The following DST variants were observed in gnomAD, a reference collection of about 807,000 sequenced individuals.
The protein encoded by DST is dystonin.
Under a neutral mutation model 875.2 loss-of-function variants are expected in DST, and 253 were observed. The observed-to-expected ratio is 0.29, with a 90% CI of 0.26 to 0.32. The LOEUF (loss-of-function observed/expected upper bound fraction) is 0.32, where lower values mean the gene tolerates loss of function less well. Among genes scored for constraint, DST ranks in the 10% least tolerant of loss-of-function variants. DST has a pLI of 1.00. For missense variants in DST, 8,287 were observed against 9,111.6 expected, an observed-to-expected ratio of 0.91 and a Z score of 3.68; for synonymous variants, 3,124 against 3,197.1, an observed-to-expected ratio of 0.98 and a Z score of 0.77.
At chr6:56,525,668 G>A (rs1232457432) in intron 69 of DST, among the ~76,000 whole-genome samples, 1 of 152,146 alleles carries the variant, frequency 6.6e-6, no homozygotes, top group African/African-American at 2.4e-5. Flanking sequence ...TAGTAACTGT[G>A]ATGACTTAAT....
At chr6:56,665,998 T>C (rs2099070346) in intron 10 of DST, among the ~76,000 whole-genome samples, 1 of 152,250 alleles carries the variant, frequency 6.6e-6, no homozygotes, top group Non-Finnish European at 1.5e-5. Flanking sequence ...TGTTACTTAC[T>C]TTTTAACTTC....
chr6:56,479,613 C>A (rs1374132202), intron 90 of DST, among the ~76,000 whole-genome samples: 18 of 152,094 alleles, frequency 1.2e-4, no homozygotes, highest in Admixed American at 1.1e-3. Flanking sequence ...AGAATGAAAT[C>A]ATGTACTTTG....
chr6:56,897,300 T>C (rs995641410), intron 3 of DST, among the ~76,000 whole-genome samples: 7 of 133,472 alleles, frequency 5.2e-5, no homozygotes, highest in Non-Finnish European at 9.8e-5. Flanking sequence ...TAAGTGGTTT[T>C]TTTTTGGGGG....
intron 9 of DST, 46 bp from the exon 10 acceptor site, chr6:56,670,853 A>G: frequency 7.4e-7 from 1 of 1,350,870 alleles, no homozygotes; most frequent in East Asian, 2.5e-5. Context: ...GAAGGAAGCT[A>G]ACTCAGATTA....
At chr6:56,629,671 T>G (rs917870314) in intron 31 of DST, among the ~76,000 whole-genome samples, 5 of 152,166 alleles carry the variant, frequency 3.3e-5, no homozygotes, top group Admixed American at 3.3e-4. Flanking sequence ...CCTAATAAAA[T>G]TTGCATATCA....
Position 56,900,604 on chromosome 6 carries a change from A to C in DST, c.234T>G (p.Pro78=), listed in dbSNP as rs1207788204. The change falls in exon 3 of 104, where the codon CCT becomes CCG. Residue 78 remains proline, a synonymous_variant. Coordinates refer to ENST00000680361, the MANE Select transcript of DST (RefSeq NM_001374736.1). ...HFRSEGFRAS[P]RHLRRRVAAA... The stretch of plus-strand genomic sequence containing the variant: ...CTGCAACTCGTCTTCTAAGATGCCG[A>C]GGGCTTGCTCTGAATCCCTGTGGCA... The C allele has an allele frequency of 1.5e-6, 2 of 1,367,524 alleles. No individual in the cohort carries two copies. Among genetic ancestry groups the C allele is most frequent in the Admixed American group, 1.9e-5 (1 of 52,566 alleles). The allele number at this position is 1,367,524 out of a possible 1,614,324, so 84.7% of individuals were successfully genotyped here.
chr6:56,812,967 A>G (rs938189488), intron 4 of DST, among the ~76,000 whole-genome samples: 12 of 151,918 alleles, frequency 7.9e-5, no homozygotes, highest in African/African-American at 2.9e-4. Context: ...CACAATAGCA[A>G]AGACTTGGAA....
chr6:56,626,406 A>G (rs970729032), intron 34 of DST, among the ~76,000 whole-genome samples: 2 of 152,188 alleles, frequency 1.3e-5, no homozygotes, highest in African/African-American at 4.8e-5. Context: ...TAGATACACA[A>G]ATAGATACCA....
chr6:56,787,836 C>A (rs2099708140), intron 4 of DST, among the ~76,000 whole-genome samples: 1 of 152,024 alleles, frequency 6.6e-6, no homozygotes, highest in Non-Finnish European at 1.5e-5. Context: ...AGCATATATT[C>A]TCTTCAAAAT....
chr6:56,614,397 C>A lies in DST; in HGVS notation c.5017G>T (p.Asp1673Tyr). The change falls in exon 37 of 104, where the codon GAT (aspartate) becomes TAT (tyrosine). Residue 1673 changes from aspartate (D) to tyrosine (Y), a missense_variant. Asp to Tyr is a radical substitution (Grantham distance 160). Coordinates refer to ENST00000680361, the MANE Select transcript of DST (RefSeq NM_001374736.1). ...GGAGGTTTTCCAGCCTTCTCTGCATCTTTCAATGTCTTGCTGATATTTGAT... is the reference window on the plus strand; with the variant it reads ...GGAGGTTTTCCAGCCTTCTCTGCATATTTCAATGTCTTGCTGATATTTGAT... ...WVSNISKTLK[D>Y]AEKAGKPPFS... The A allele has an allele frequency of 6.2e-7, 1 of 1,609,928 alleles. No individual in the cohort carries two copies. The highest frequency in any genetic ancestry group is 1.1e-5 in the South Asian group (1 of 90,170).
intron 4 of DST, among the ~76,000 whole-genome samples, chr6:56,743,599 C>T (rs1045130932): frequency 6.6e-6 from 1 of 152,116 alleles, no homozygotes; most frequent in African/African-American, 2.4e-5. Context: ...TTAGAGAGCA[C>T]TTATTATTTG....
rs368674616 is a variant in DST, at chr6:56,620,443, G to A, written c.4929+4087C>T. ...CTCTCACAATGGTTTCAAGTTCCCTGCGGTACTGCTTGGCTTCACTTTCAG... is the reference window on the plus strand; with the variant it reads ...CTCTCACAATGGTTTCAAGTTCCCTACGGTACTGCTTGGCTTCACTTTCAG... On this transcript the variant is annotated intron_variant, in intron 36 of 103. Coordinates refer to ENST00000680361, the MANE Select transcript of DST (RefSeq NM_001374736.1). The A allele has an allele frequency of 6.8e-5, 110 of 1,614,030 alleles. No homozygotes were observed. The highest frequency in any genetic ancestry group is 4.9e-4 in the Middle Eastern group (3 of 6,084).
rs779757514 is a variant in DST, at chr6:56,606,160, T to C, written c.8468A>G (p.Asn2823Ser). ...DEEGGGIRDE[N>S]GKPRCQNVAE... ...CACATTTTGGCACCTGGGCTTTCCA[T>C]TCTCATCTCTTATACCTCCTCCTTC... The change falls in exon 40 of 104, where the codon AAT becomes AGT. Residue 2823 changes from asparagine to serine, a missense_variant. Transcript: ENST00000680361. 1 of 1,604,622 alleles carries C rather than the reference T, an allele frequency of 6.2e-7. No individual in the cohort carries two copies. Among genetic ancestry groups the C allele is most frequent in the South Asian group, 1.1e-5 (1 of 90,322 alleles).
chr6:56,620,143 G>A, intron 36 of DST: 1 of 1,613,344 alleles, frequency 6.2e-7, no homozygotes, highest in South Asian at 1.1e-5. Flanking sequence ...GAAATGCAAG[G>A]TCTTTTTCCA....
intron 4 of DST, among the ~76,000 whole-genome samples, chr6:56,772,435 G>A (rs928118515): frequency 1.3e-5 from 2 of 152,148 alleles, no homozygotes; most frequent in Admixed American, 1.3e-4. Context: ...GGCACATACT[G>A]CAAGCTAACT....
intron 4 of DST, among the ~76,000 whole-genome samples, chr6:56,777,613 C>G (rs2099681656): frequency 6.6e-6 from 1 of 152,034 alleles, no homozygotes; most frequent in Non-Finnish European, 1.5e-5. Context: ...CAGTCACTTC[C>G]AAAAGGCACA....
rs1221618907 is a variant in DST at position 56,851,452 on chromosome 6, C to T, written c.570G>A (p.Lys190=). 6.2e-7 allele frequency: 1 copy of T among 1,614,010 alleles called. No homozygotes were observed. Among genetic ancestry groups the T allele is most frequent in the African/African-American group, 1.3e-5 (1 of 75,058 alleles). The change falls in exon 4 of 104, where the codon AAG becomes AAA. Residue 190 remains lysine, a synonymous_variant. Transcript: ENST00000680361. ...NLPKHERSKR[K]IQGGSVLDPA... is the part of the protein sequence containing the mutation. ...GGTCCAGCACTGAGCCCCCTTGAAT[C>T]TTTCTTTTCGATCTCTCATGTTTAG...
intron 2 of DST, among the ~76,000 whole-genome samples, chr6:56,914,127 T>C (rs1275296686): frequency 2.0e-5 from 3 of 152,178 alleles, no homozygotes; most frequent in Non-Finnish European, 4.4e-5. Context: ...TCATGTTTTG[T>C]ACCAAAATGA....
chr6:56,552,176 T>C lies in DST; in HGVS notation c.16608+8A>G, dbSNP rs2097337105. ...AAAAACACTGGGTAAAAATGAAGAG[T>C]TCCCTACCTTGAACATGTTAAGCTG... On this transcript the variant is annotated splice_region_variant and intron_variant, in intron 61 of 103. Transcript: ENST00000680361. The C allele has an allele frequency of 6.3e-7, 1 of 1,583,738 alleles. No homozygotes were observed. The highest frequency in any genetic ancestry group is 1.4e-5 in the African/African-American group (1 of 73,460).
Sources: allele counts gnomAD v4.1 joint callset (sites outside exome capture counted in the v4.1 genomes callset), GRCh38; gene constraint gnomAD v4.1.1; transcripts MANE v1.5; gene names NCBI Gene and HGNC (gene_info 2026-07-23, HGNC 2026-07-21).